ADAMTS3: variants seen among roughly 807,000 people sequenced by gnomAD.
The protein encoded by ADAMTS3 is A disintegrin and metalloproteinase with thrombospondin motifs 3.
ADAMTS3 carries 73 observed loss-of-function variants against 129.0 expected under a neutral mutation model. The ratio of observed to expected loss-of-function variants is 0.57; its 90% CI spans 0.47 to 0.69. The LOEUF (loss-of-function observed/expected upper bound fraction) is 0.69. Ranked by LOEUF, ADAMTS3 falls within the 30% of genes least tolerant of loss-of-function variation. The probability of loss-of-function intolerance (pLI) is 0.00; values close to 1 mark genes in which losing one functional copy is unlikely to be tolerated. For synonymous variants in ADAMTS3, 477 were observed against 510.8 expected (o/e 0.93, Z 0.89); for missense variants, 1,457 against 1,514.5 (o/e 0.96, Z 0.63).
chr4:72,312,242 C>G (rs764332784), intron 13 of ADAMTS3, 49 bp downstream of exon 13: 7 of 1,604,534 alleles, frequency 4.4e-6, no homozygotes, highest in Non-Finnish European at 6.0e-6. Context: ...AAAGCTTAAA[C>G]TGTGAGTAAC....
intron 4 of ADAMTS3, among the ~76,000 whole-genome samples, chr4:72,342,652 G>A (rs539910155): frequency 2.6e-5 from 4 of 152,142 alleles, no homozygotes; most frequent in Admixed American, 1.3e-4. Context: ...GATTATAGGC[G>A]TGAGCCACCA....
intron 4 of ADAMTS3, among the ~76,000 whole-genome samples, chr4:72,361,962 C>T (rs1000244646): frequency 5.9e-5 from 9 of 151,930 alleles, no homozygotes; most frequent in South Asian, 2.1e-4. Context: ...TGTATGCATA[C>T]GTAACTGGAA....
At chr4:72,513,920 C>T (rs374311717) in intron 3 of ADAMTS3, among the ~76,000 whole-genome samples, 5 of 152,002 alleles carry the variant, frequency 3.3e-5, no homozygotes, top group Admixed American at 2.0e-4. Context: ...TATTTATAAG[C>T]GAGAATATGC....
At chr4:72,524,388 G>C (rs1720753334) in intron 3 of ADAMTS3, among the ~76,000 whole-genome samples, 1 of 152,058 alleles carries the variant, frequency 6.6e-6, no homozygotes, top group African/African-American at 2.4e-5. Flanking sequence ...AATTTTCAAA[G>C]TTGAGGCAAT....
intron 3 of ADAMTS3, among the ~76,000 whole-genome samples, chr4:72,547,503 T>C (rs750949679): frequency 2.6e-5 from 4 of 152,200 alleles, no homozygotes; most frequent in Admixed American, 6.6e-5. Context: ...TTGCCTTTCA[T>C]GCGATCATCT....
intron 3 of ADAMTS3, among the ~76,000 whole-genome samples, chr4:72,436,533 G>A (rs1291061014): frequency 6.6e-6 from 1 of 152,044 alleles, no homozygotes. Context: ...TATAAATCAT[G>A]CTGCTATAAA....
chr4:72,436,968 C>A (rs1180670841), intron 3 of ADAMTS3, among the ~76,000 whole-genome samples: 1 of 151,924 alleles, frequency 6.6e-6, no homozygotes, highest in Non-Finnish European at 1.5e-5. Flanking sequence ...AACAAACCTG[C>A]ACGTTGTGCA....
At chr4:72,506,069 C>T (rs1720152282) in intron 3 of ADAMTS3, among the ~76,000 whole-genome samples, 1 of 152,192 alleles carries the variant, frequency 6.6e-6, no homozygotes, top group South Asian at 2.1e-4. Context: ...GATCTCTGCA[C>T]AGAAAGATGC....
chr4:72,306,136 G>A (rs1324115727), intron 15 of ADAMTS3, 69 bp from the exon 16 acceptor site: 6 of 1,200,012 alleles, frequency 5.0e-6, no homozygotes, highest in Non-Finnish European at 7.1e-6. Flanking sequence ...GGTTAGTTGA[G>A]CACTACATTC....
At chr4:72,540,343 C>T (rs1022615069) in intron 3 of ADAMTS3, among the ~76,000 whole-genome samples, 2 of 152,134 alleles carry the variant, frequency 1.3e-5, no homozygotes, top group African/African-American at 4.8e-5. Context: ...AATTTCTAAG[C>T]AGCAAAGCAT....
chr4:72,531,679 C>T (rs959252745), intron 3 of ADAMTS3, among the ~76,000 whole-genome samples: 1 of 152,152 alleles, frequency 6.6e-6, no homozygotes, highest in Admixed American at 6.5e-5. Context: ...CTACCCAGTT[C>T]ATGGAGGCAA....
chr4:72,549,213 T>C (rs921267575), intron 2 of ADAMTS3, among the ~76,000 whole-genome samples: 1 of 152,198 alleles, frequency 6.6e-6, no homozygotes, highest in African/African-American at 2.4e-5. Context: ...GGCATGCCCT[T>C]AATTAATTTA....
rs1722086838 is a variant in ADAMTS3 at position 72,568,737 on chromosome 4, A to G, written c.26T>C (p.Ile9Thr). The G allele has an allele frequency of 6.2e-7, 1 of 1,613,904 alleles. No homozygotes were observed. Among genetic ancestry groups the G allele is most frequent in the Admixed American group, 1.7e-5 (1 of 59,994 alleles). ...CCTAACCTCTACCAGAGCGGCTGCTATCAACCAAAGTGACAGGAGAACCAT... is the reference window on the plus strand; with the variant it reads ...CCTAACCTCTACCAGAGCGGCTGCTGTCAACCAAAGTGACAGGAGAACCAT... MVLLSLWL[I>T]AAALVEVRTS... is the part of the protein sequence containing the mutation. The change falls in exon 1 of 22, where the codon ATA (isoleucine) becomes ACA (threonine). Residue 9 changes from isoleucine to threonine, a missense_variant. By Grantham distance (89) the Ile-to-Thr change is moderately conservative. Coordinates refer to ENST00000286657, the MANE Select transcript of ADAMTS3 (RefSeq NM_014243.3).
intron 3 of ADAMTS3, among the ~76,000 whole-genome samples, chr4:72,535,667 C>T (rs779221958): frequency 1.3e-5 from 2 of 152,110 alleles, no homozygotes; most frequent in Non-Finnish European, 2.9e-5. Flanking sequence ...TTCTTCATTC[C>T]TTTCAATTGC....
intron 4 of ADAMTS3, among the ~76,000 whole-genome samples, chr4:72,388,536 G>T (rs980533): frequency 6.6e-6 from 1 of 152,274 alleles, no homozygotes; most frequent in South Asian, 2.1e-4. Flanking sequence ...GTGCTGCTTA[G>T]CCATTACCCT....
intron 3 of ADAMTS3, among the ~76,000 whole-genome samples, chr4:72,493,385 T>C (rs1244381635): frequency 6.6e-6 from 1 of 151,990 alleles, no homozygotes; most frequent in Admixed American, 6.6e-5. Flanking sequence ...TGTGTGCCTA[T>C]TACACGCTTT....
At chr4:72,454,538 T>A (rs941416015) in intron 3 of ADAMTS3, among the ~76,000 whole-genome samples, 1 of 151,726 alleles carries the variant, frequency 6.6e-6, no homozygotes, top group African/African-American at 2.4e-5. Flanking sequence ...AATAATTAGA[T>A]GGTACATGCT....
chr4:72,394,766 T>C (rs1206798755), intron 4 of ADAMTS3, among the ~76,000 whole-genome samples: 1 of 152,194 alleles, frequency 6.6e-6, no homozygotes, highest in African/African-American at 2.4e-5. Context: ...AGTTGATTCA[T>C]ACACTTGAAA....
intron 3 of ADAMTS3, among the ~76,000 whole-genome samples, chr4:72,443,476 T>G (rs1201006168): frequency 6.6e-6 from 1 of 151,652 alleles, no homozygotes; most frequent in Non-Finnish European, 1.5e-5. Flanking sequence ...TGATTGAGAG[T>G]CACCTCTGTA....
Sources: gnomAD v4.1 joint callset for allele counts (sites outside exome capture counted in the v4.1 genomes callset) on GRCh38, gnomAD v4.1.1 for gene constraint, MANE v1.5 for transcripts, NCBI Gene and HGNC (gene_info 2026-07-23, HGNC 2026-07-21) for gene names.